The following SCAPER variants were observed in gnomAD, a reference collection of about 807,000 sequenced individuals.
SCAPER encodes S phase cyclin A-associated protein in the endoplasmic reticulum.
SCAPER carries 98 observed loss-of-function variants against 182.2 expected under a neutral mutation model. The ratio of observed to expected loss-of-function variants is 0.54; its 90% CI spans 0.46 to 0.64. The LOEUF (loss-of-function observed/expected upper bound fraction) is 0.64. Ranked by LOEUF, SCAPER falls within the 30% of genes least tolerant of loss-of-function variation. The probability of loss-of-function intolerance (pLI) is 0.00; values close to 1 mark genes in which losing one functional copy is unlikely to be tolerated. For synonymous variants in SCAPER, 605 were observed against 564.6 expected, an observed-to-expected ratio of 1.07 and a Z score of -1.01; for missense variants, 1,432 against 1,690.0, an observed-to-expected ratio of 0.85 and a Z score of 2.68.
chr15:76,571,001 G>T (rs74024150), intron 23 of SCAPER, among the ~76,000 whole-genome samples: 1 of 152,170 alleles, frequency 6.6e-6, no homozygotes, highest in African/African-American at 2.4e-5. Context: ...TTATGTGATG[G>T]AGTAGGTTAA....
At chr15:76,379,240 T>C (rs936835047) in intron 28 of SCAPER, among the ~76,000 whole-genome samples, 1 of 150,506 alleles carries the variant, frequency 6.6e-6, no homozygotes, top group African/African-American at 2.5e-5. Flanking sequence ...AGGAAGAGAA[T>C]GAGAAAGAGT....
intron 1 of SCAPER, among the ~76,000 whole-genome samples, chr15:76,894,795 G>A (rs765029819): frequency 3.9e-5 from 6 of 151,998 alleles, no homozygotes; most frequent in Non-Finnish European, 8.8e-5. Context: ...CAGAAAATAA[G>A]TAAACTCCTA....
At chr15:76,560,576 A>G (rs2046540010) in intron 23 of SCAPER, among the ~76,000 whole-genome samples, 1 of 152,214 alleles carries the variant, frequency 6.6e-6, no homozygotes. Flanking sequence ...CATGCTTTTA[A>G]CACTGCTCTT....
chr15:76,421,563 C>T (rs981600574), intron 26 of SCAPER, among the ~76,000 whole-genome samples: 48 of 152,146 alleles, frequency 3.2e-4, no homozygotes, highest in Non-Finnish European at 6.2e-4. Flanking sequence ...TTCTCCCATT[C>T]TGTAGGTTGC....
intron 5 of SCAPER, among the ~76,000 whole-genome samples, chr15:76,814,726 C>A (rs1181514561): frequency 6.6e-6 from 1 of 151,944 alleles, no homozygotes. Context: ...GGTATCACAC[C>A]AAAAATTCAT....
chr15:76,497,989 C>CCA (rs2040724857), intron 24 of SCAPER, among the ~76,000 whole-genome samples: 1 of 58,322 alleles, frequency 1.7e-5, no homozygotes, highest in Admixed American at 3.2e-4. Flanking sequence ...GACTCCGTCT[C>CCA]AAAAAAAAAA....
chr15:76,579,265 CAAAAAAAA>C (rs71143342), intron 22 of SCAPER, among the ~76,000 whole-genome samples: 4 of 49,484 alleles, frequency 8.1e-5, no homozygotes, highest in African/African-American at 8.9e-5. Context: ...GACTCTGTCT[CAAAAAAAA>C]AAAAAAAAAA....
At position 76,900,510 on chromosome 15, in the gene SCAPER, AT is replaced by A. The variant is rs1020883824; in HGVS notation, c.-60+4788del. Among the ~76,000 whole-genome samples, 5 of 152,098 alleles carry A rather than the reference AT, an allele frequency of 3.3e-5. 1 individual carries two copies. Among genetic ancestry groups the A allele is most frequent in the Admixed American group, 3.3e-4 (5 of 15,262 alleles). On this transcript the variant is annotated intron_variant, in intron 1 of 31. Transcript: ENST00000563290. ...AGTGGAGCACCCAAAAAAACAAAGA[AT>A]AAAGGTGGTAAACAGGGAATGAACA...
In SCAPER at chr15:76,775,123, C is replaced by A; in HGVS notation, c.773-6G>T. 1.3e-6 allele frequency: 2 copies of A among 1,569,200 alleles called. No homozygotes were observed. Among genetic ancestry groups the A allele is most frequent in the South Asian group, 1.2e-5 (1 of 84,646 alleles). On this transcript the variant is annotated splice_region_variant and splice_polypyrimidine_tract_variant and intron_variant, in intron 8 of 31. Transcript: ENST00000563290. ...TCCTTCAGCATCTTTCCGTTCTATGCAATTAAAGTAAAAAACAAATCAAGA... is the reference window on the plus strand; with the variant it reads ...TCCTTCAGCATCTTTCCGTTCTATGAAATTAAAGTAAAAAACAAATCAAGA...
chr15:76,565,445 A>T (rs1216227513), intron 23 of SCAPER, among the ~76,000 whole-genome samples: 1 of 152,178 alleles, frequency 6.6e-6, no homozygotes, highest in Non-Finnish European at 1.5e-5. Flanking sequence ...ATCACTGATC[A>T]TTAGAGAAAT....
At chr15:76,885,191 T>A (rs1333779221) in intron 1 of SCAPER, among the ~76,000 whole-genome samples, 1 of 152,224 alleles carries the variant, frequency 6.6e-6, no homozygotes, top group Non-Finnish European at 1.5e-5. Context: ...GCTATTATAT[T>A]TTTTTAAATG....
At chr15:76,490,455 A>T (rs1596990905) in intron 24 of SCAPER, among the ~76,000 whole-genome samples, 1 of 152,330 alleles carries the variant, frequency 6.6e-6, no homozygotes, top group Admixed American at 6.5e-5. Flanking sequence ...GTAAAGATAT[A>T]GTAGATCTAT....
chr15:76,582,281 A>G (rs185237846), intron 22 of SCAPER, among the ~76,000 whole-genome samples: 4 of 152,370 alleles, frequency 2.6e-5, no homozygotes, highest in Non-Finnish European at 4.4e-5. Flanking sequence ...AAATCAACAT[A>G]TGAAAATCAT....
intron 4 of SCAPER, among the ~76,000 whole-genome samples, chr15:76,848,121 C>A (rs1038682943): frequency 4.0e-5 from 6 of 151,830 alleles, no homozygotes; most frequent in Non-Finnish European, 1.5e-5. Context: ...GGTTCTCCCA[C>A]CTCAGCCTCC....
intron 22 of SCAPER, among the ~76,000 whole-genome samples, chr15:76,608,792 T>C (rs1266528767): frequency 6.6e-6 from 1 of 152,072 alleles, no homozygotes. Context: ...TAGCAATGAG[T>C]GAGACTCCGT....
chr15:76,550,888 T>C (rs982062690), intron 23 of SCAPER, among the ~76,000 whole-genome samples: 1 of 152,168 alleles, frequency 6.6e-6, no homozygotes, highest in African/African-American at 2.4e-5. Flanking sequence ...ATCGCCATTC[T>C]GACTGGTATG....
chr15:76,691,743 G>C (rs1010073759), intron 20 of SCAPER, among the ~76,000 whole-genome samples: 3 of 152,174 alleles, frequency 2.0e-5, no homozygotes, highest in Non-Finnish European at 4.4e-5. Context: ...AAAGAAATTT[G>C]TTCTATTGTT....
chr15:76,724,176 C>T (rs1324526694), intron 17 of SCAPER, among the ~76,000 whole-genome samples: 1 of 140,482 alleles, frequency 7.1e-6, no homozygotes, highest in East Asian at 2.0e-4. Context: ...ATTTCTCCTT[C>T]ACTTATGAAG....
chr15:76,372,872 T>A (rs2042279049), intron 29 of SCAPER, among the ~76,000 whole-genome samples: 1 of 152,102 alleles, frequency 6.6e-6, no homozygotes, highest in Non-Finnish European at 1.5e-5. Flanking sequence ...ACGCAAGCAT[T>A]TGTACAGCAT....
Sources: gnomAD v4.1 joint callset for allele counts (sites outside exome capture counted in the v4.1 genomes callset) on GRCh38, gnomAD v4.1.1 for gene constraint, MANE v1.5 for transcripts, NCBI Gene and HGNC (gene_info 2026-07-23, HGNC 2026-07-21) for gene names.